XKR9: variants seen among roughly 807,000 people sequenced by gnomAD.
XKR9 encodes the protein XK related 9.
XKR9 carries 32 observed loss-of-function variants against 32.0 expected under a neutral mutation model. The observed-to-expected ratio is 1.00, with a 90% CI of 0.76 to 1.34. The LOEUF is 1.34. Ranked by LOEUF, XKR9 falls within the 40% of genes most tolerant of loss-of-function variation. The probability of loss-of-function intolerance (pLI) is 0.00; values close to 1 mark genes in which losing one functional copy is unlikely to be tolerated. For missense variants in XKR9, 546 were observed against 429.7 expected (o/e 1.27, Z -2.39); for synonymous variants, 168 against 143.4 (o/e 1.17, Z -1.22).
chr8:71,017,768 A>G, the XKR9 span, among the ~76,000 whole-genome samples: 2 of 152,198 alleles, frequency 1.3e-5, no homozygotes, highest in African/African-American at 4.8e-5. Context: ...GGCCTTTCAG[A>G]AGAGCAAATT....
the XKR9 span, among the ~76,000 whole-genome samples, chr8:70,898,562 G>C: frequency 2.6e-5 from 4 of 152,012 alleles, no homozygotes; most frequent in East Asian, 7.7e-4. Flanking sequence ...AATTTTCTTT[G>C]AGACTTCCTC....
At chr8:70,806,483 C>G in the XKR9 span, among the ~76,000 whole-genome samples, 4 of 152,128 alleles carry the variant, frequency 2.6e-5, no homozygotes, top group African/African-American at 7.2e-5. Flanking sequence ...GCTAAAAGAT[C>G]AAGTTCTAAC....
At chr8:70,815,132 A>C in the XKR9 span, among the ~76,000 whole-genome samples, 1,242 of 152,170 alleles carry the variant, frequency 8.2e-3, 31 homozygotes, top group African/African-American at 0.028. Context: ...ATGGATCAGA[A>C]GAATTTTTTT....
the XKR9 span, among the ~76,000 whole-genome samples, chr8:70,942,015 C>A: frequency 6.6e-6 from 1 of 152,064 alleles, no homozygotes; most frequent in African/African-American, 2.4e-5. Flanking sequence ...GGACTTCCAC[C>A]TAGATAAGAA....
the XKR9 span, among the ~76,000 whole-genome samples, chr8:70,815,563 T>C: frequency 4.3e-5 from 6 of 141,026 alleles, no homozygotes; most frequent in African/African-American, 1.3e-4. Flanking sequence ...TCTCACTCTG[T>C]CACCCAGGCT....
chr8:71,026,661 G>A, the XKR9 span, among the ~76,000 whole-genome samples: 2 of 152,162 alleles, frequency 1.3e-5, no homozygotes, highest in African/African-American at 2.4e-5. Context: ...AATTATACAA[G>A]CAATGTTTTA....
chr8:70,692,239 A>G (rs533091271), intron 3 of XKR9, among the ~76,000 whole-genome samples: 1 of 152,220 alleles, frequency 6.6e-6, no homozygotes, highest in Admixed American at 6.5e-5. Context: ...GTGCACAGGA[A>G]TGCTAGTGAG....
chr8:70,844,359 G>T, the XKR9 span, among the ~76,000 whole-genome samples: 1 of 152,096 alleles, frequency 6.6e-6, no homozygotes, highest in Non-Finnish European at 1.5e-5. Context: ...TACTGCCACC[G>T]CTGAAGGCCA....
the XKR9 span, among the ~76,000 whole-genome samples, chr8:70,883,488 A>G: frequency 1.3e-5 from 2 of 152,112 alleles, no homozygotes; most frequent in African/African-American, 4.8e-5. Flanking sequence ...CTTTGGGTAG[A>G]TACCCAGTAG....
chr8:70,845,673 A>T, the XKR9 span, among the ~76,000 whole-genome samples: 1 of 152,200 alleles, frequency 6.6e-6, no homozygotes, highest in African/African-American at 2.4e-5. Context: ...CTTCAACAAT[A>T]GACTAGAGCA....
chr8:70,958,490 A>G, the XKR9 span, among the ~76,000 whole-genome samples: 1 of 152,160 alleles, frequency 6.6e-6, no homozygotes, highest in Non-Finnish European at 1.5e-5. Context: ...TGTTGGCTGC[A>G]TGTATGTCTT....
At chr8:70,941,792 A>C in the XKR9 span, among the ~76,000 whole-genome samples, 1 of 152,048 alleles carries the variant, frequency 6.6e-6, no homozygotes, top group Non-Finnish European at 1.5e-5. Flanking sequence ...TTTCCCTTTG[A>C]TAAGTTGTTG....
the XKR9 span, among the ~76,000 whole-genome samples, chr8:70,963,973 A>C: frequency 6.6e-6 from 1 of 152,040 alleles, no homozygotes; most frequent in Non-Finnish European, 1.5e-5. Flanking sequence ...GTTTAATTAG[A>C]TCCCATTTGT....
intron 2 of XKR9, among the ~76,000 whole-genome samples, chr8:70,754,850 T>C (rs1313557101): frequency 6.6e-6 from 1 of 152,046 alleles, no homozygotes; most frequent in Non-Finnish European, 1.5e-5. Flanking sequence ...GACACAGGCA[T>C]GGGCAAGGAC....
chr8:70,898,659 G>C, the XKR9 span, among the ~76,000 whole-genome samples: 1 of 151,970 alleles, frequency 6.6e-6, no homozygotes, highest in Non-Finnish European at 1.5e-5. Flanking sequence ...TTAATATCTA[G>C]TTTAATTCCT....
At chr8:70,875,243 T>C in the XKR9 span, among the ~76,000 whole-genome samples, 3 of 152,182 alleles carry the variant, frequency 2.0e-5, no homozygotes, top group African/African-American at 7.2e-5. Flanking sequence ...AAGATCGTGG[T>C]TTATAACCAG....
chr8:70,960,004 C>T, the XKR9 span, among the ~76,000 whole-genome samples: 18 of 152,204 alleles, frequency 1.2e-4, no homozygotes, highest in South Asian at 2.9e-3. Context: ...CCAAGGTGGG[C>T]GGATCACCTG....
intron 3 of XKR9, among the ~76,000 whole-genome samples, chr8:70,697,692 G>C (rs1246548718): frequency 6.6e-6 from 1 of 151,650 alleles, no homozygotes; most frequent in African/African-American, 2.4e-5. Flanking sequence ...GATGATGCTG[G>C]CCTCATAAAA....
chr8:70,789,491 A>G (rs1398396745), intron 3 of XKR9: 3 of 152,068 alleles, frequency 2.0e-5, no homozygotes, highest in East Asian at 1.9e-4. Context: ...ATATTATGGT[A>G]TGGTGGTCAG....
Sources: allele counts gnomAD v4.1 joint callset (sites outside exome capture counted in the v4.1 genomes callset), GRCh38; gene constraint gnomAD v4.1.1; transcripts MANE v1.5; gene names NCBI Gene and HGNC (gene_info 2026-07-23, HGNC 2026-07-21).